Variants in CCDC92B observed in about 807,000 individuals in gnomAD.
CCDC92B encodes the protein coiled-coil domain-containing 92B.
Under a neutral mutation model 5.6 loss-of-function variants are expected in CCDC92B, and 2 were observed. That is an observed-to-expected ratio of 0.36 (90% confidence interval 0.15 to 1.12). CCDC92B has a LOEUF of 1.12. Among genes scored for constraint, CCDC92B ranks in the 50% most tolerant of loss-of-function variants. The pLI is 0.40. For synonymous variants in CCDC92B, 115 were observed against 122.3 expected (o/e 0.94, Z 0.39); for missense variants, 271 against 262.2 (o/e 1.03, Z -0.23).
intron 2 of CCDC92B, among the ~76,000 whole-genome samples, chr17:2,731,065 C>G (rs2070790112): frequency 6.6e-6 from 1 of 152,232 alleles, no homozygotes; most frequent in South Asian, 2.1e-4. Context: ...GCTGCCCCTT[C>G]CCAAGCCCCA....
Position 2,749,604 on chromosome 17 carries a change from G to C in CCDC92B, c.-217C>G, listed in dbSNP as rs1174272972. The C allele has an allele frequency of 6.7e-6, 1 of 150,324 alleles. No homozygotes were observed. Among genetic ancestry groups the C allele is most frequent in the African/African-American group, 2.4e-5 (1 of 40,904 alleles). The allele number at this position is 150,324 out of a possible 1,614,324, so 9.3% of individuals were successfully genotyped here. ...GGGGGGCTCGGGGGCGCCGAAGGGG[G>C]GTCGGGGGCGGGCTCGAGGCGTAAA... On this transcript the variant is annotated 5_prime_UTR_variant, in exon 1 of 4. Transcript: ENST00000614400.
At chr17:2,735,718 A>G (rs553294297) in intron 1 of CCDC92B, among the ~76,000 whole-genome samples, 1 of 152,332 alleles carries the variant, frequency 6.6e-6, no homozygotes, top group Non-Finnish European at 1.5e-5. Flanking sequence ...GGTGTGAACC[A>G]CTGTGCCCAG....
rs1416063210 is a variant in CCDC92B, at chr17:2,722,814, C to T, written c.*1597G>A. 6.6e-6 allele frequency: 1 copy of T among 152,664 alleles called. No homozygotes were observed. The highest frequency in any genetic ancestry group is 1.9e-4 in the East Asian group (1 of 5,216). The allele number at this position is 152,664 out of a possible 1,614,324, so 9.5% of individuals were successfully genotyped here. On this transcript the variant is annotated 3_prime_UTR_variant, in exon 4 of 4. Transcript: ENST00000614400. ...CCTCCCCTCGAAGCCCCTGGAAGAC[C>T]TCACAGGCACTTAGGACTTGATGCA...
rs367631206 is a variant in CCDC92B, at chr17:2,727,698, C to T, written c.179-2698G>A. 1.8e-4 allele frequency among the ~76,000 whole-genome samples: 28 copies of T among 152,206 alleles called. No individual in the cohort carries two copies. In the East Asian group the frequency reaches 3.3e-3, roughly 18 times the overall value. ...AATTAGCTGGGTATGGTGGTGTGCG[C>T]CTGTGATCCCAGCTACTTGGGAGGC... On this transcript the variant is annotated intron_variant, in intron 3 of 3. Transcript: ENST00000614400.
At chr17:2,737,943 G>A (rs1034496217) in intron 1 of CCDC92B, among the ~76,000 whole-genome samples, 7 of 151,964 alleles carry the variant, frequency 4.6e-5, no homozygotes, top group African/African-American at 1.7e-4. Flanking sequence ...TCACAAAAAA[G>A]GGCTCTCGTA....
rs1317394567 is a variant in CCDC92B at position 2,748,342 on chromosome 17, G to A, written c.-24+1069C>T. The A allele has an allele frequency of 7.2e-6, 7 of 978,806 alleles. No individual in the cohort carries two copies. In the East Asian group the frequency reaches 5.7e-4, roughly 80 times the overall value. 60.6% of individuals were successfully genotyped at this position (978,806 alleles called of 1,614,324 possible). On this transcript the variant is annotated intron_variant, in intron 1 of 3. Transcript: ENST00000614400. ...CCCTGATCCCCCACCAAGATGGAAC[G>A]ACTCTCTCCCGCCTCTCTGTTCCCC...
intron 1 of CCDC92B, among the ~76,000 whole-genome samples, chr17:2,741,575 AG>A (rs1310876563): frequency 6.7e-6 from 1 of 148,314 alleles, no homozygotes; most frequent in African/African-American, 2.5e-5. Flanking sequence ...GCTACTTGGG[AG>A]GCCGAGGCAG....
intron 1 of CCDC92B, among the ~76,000 whole-genome samples, chr17:2,739,366 A>AAAAT (rs1030850514): frequency 6.6e-6 from 1 of 151,306 alleles, no homozygotes; most frequent in Non-Finnish European, 1.5e-5. Flanking sequence ...ACTCCATCTC[A>AAAAT]AAATAAATAA....
At chr17:2,733,449 G>A (rs564278047) in intron 2 of CCDC92B, among the ~76,000 whole-genome samples, 1 of 151,940 alleles carries the variant, frequency 6.6e-6, no homozygotes, top group South Asian at 2.1e-4. Context: ...AGTAGAGACG[G>A]GGTTTCTCCA....
At chr17:2,748,253 G>T in intron 1 of CCDC92B, 3 of 817,446 alleles carry the variant, frequency 3.7e-6, no homozygotes, top group Non-Finnish European at 5.5e-6. Flanking sequence ...CCCTATCTCT[G>T]CCTCTTGAAG....
rs1267521107 is a variant in CCDC92B, at chr17:2,722,719, C to A, written c.*1692G>T. On this transcript the variant is annotated 3_prime_UTR_variant, in exon 4 of 4. Transcript: ENST00000614400. ...CCCTGCGTGACAGAATGTGTGGCCT[C>A]AGCCAGGGTCAGGACCTGTCAGGAA... 1 of 152,332 alleles carries A rather than the reference C, an allele frequency of 6.6e-6. No homozygotes were observed. The highest frequency in any genetic ancestry group is 6.5e-5 in the Admixed American group (1 of 15,284). 9.4% of individuals were successfully genotyped at this position (152,332 alleles called of 1,614,324 possible). A position where few individuals can be genotyped will look rare whatever the true frequency, so the allele number is the denominator to read the frequency against.
chr17:2,748,161 T>C lies in CCDC92B; in HGVS notation c.-24+1250A>G, dbSNP rs536728447. 76 of 536,576 alleles carry C rather than the reference T, an allele frequency of 1.4e-4. 1 individual carries two copies. The highest frequency in any genetic ancestry group is 2.9e-4 in the South Asian group (21 of 71,654). 33.2% of individuals were successfully genotyped at this position (536,576 alleles called of 1,614,324 possible). ...ATCTGCAGGCTGATCTTCTTCTCTT[T>C]TGGATTCTATCTCTTGCTGCTCTGA... On this transcript the variant is annotated intron_variant, in intron 1 of 3. Coordinates refer to ENST00000614400, the MANE Select transcript of CCDC92B (RefSeq NM_001355573.2).
chr17:2,748,940 G>A (rs1393999416), intron 1 of CCDC92B, among the ~76,000 whole-genome samples: 1 of 152,082 alleles, frequency 6.6e-6, no homozygotes, highest in Non-Finnish European at 1.5e-5. Flanking sequence ...AAGCGCTCAG[G>A]ACCCTCCACC....
intron 1 of CCDC92B, among the ~76,000 whole-genome samples, chr17:2,738,890 G>T (rs2070887364): frequency 6.6e-6 from 1 of 151,392 alleles, no homozygotes; most frequent in Admixed American, 6.6e-5. Context: ...GACCAATATG[G>T]TGAAACCCTG....
At position 2,724,660 on chromosome 17, in the gene CCDC92B, G is replaced by C. The variant is rs1202979018; in HGVS notation, c.519C>G (p.Ala173=). The C allele has an allele frequency of 4.1e-6, 4 of 981,610 alleles. No individual in the cohort carries two copies. Among genetic ancestry groups the C allele is most frequent in the Non-Finnish European group, 4.8e-6 (4 of 828,236 alleles). The allele number at this position is 981,610 out of a possible 1,614,324, so 60.8% of individuals were successfully genotyped here. The change falls in exon 4 of 4, where the codon GCC becomes GCG. Residue 173 remains alanine, a synonymous_variant. Transcript: ENST00000614400. This position sits in a 1 kb window ranked among gnomAD's most constrained non-coding sequence, Gnocchi z 5.0. ...EPRPRRRALR[A]RRPPAAHEAA... ...CCTCGTGGGCAGCAGGCGGGCGGCG[G>C]GCTCGCAGTGCGCGGCGGCGTGGCC...
At chr17:2,730,558 T>TGTGA (rs2070781910) in intron 2 of CCDC92B, 65 bp from the exon 3 acceptor site, 2 of 642,300 alleles carry the variant, frequency 3.1e-6, no homozygotes, top group Non-Finnish European at 3.8e-6. Flanking sequence ...TGTGTGTGTG[T>TGTGA]GTGTGAGAGA....
At chr17:2,743,995 A>G (rs992635501) in intron 1 of CCDC92B, among the ~76,000 whole-genome samples, 1 of 151,966 alleles carries the variant, frequency 6.6e-6, no homozygotes, top group Non-Finnish European at 1.5e-5. Context: ...CTCCTGCCGC[A>G]GCCTCCCGAG....
intron 3 of CCDC92B, among the ~76,000 whole-genome samples, chr17:2,729,072 A>G (rs1264352595): frequency 6.6e-6 from 1 of 152,006 alleles, no homozygotes; most frequent in Non-Finnish European, 1.5e-5. Flanking sequence ...GAGTCTTACT[A>G]TTTTGTCCAG....
intron 1 of CCDC92B, among the ~76,000 whole-genome samples, chr17:2,745,932 G>C (rs1302801522): frequency 6.6e-6 from 1 of 152,068 alleles, no homozygotes; most frequent in African/African-American, 2.4e-5. Context: ...CTGGTTCTCT[G>C]AGTTCTTTTT....
Sources: gnomAD v4.1 joint callset for allele counts (sites outside exome capture counted in the v4.1 genomes callset) on GRCh38, gnomAD v4.1.1 for gene constraint, Gnocchi (gnomAD v3.1) non-coding constraint, MANE v1.5 for transcripts, NCBI Gene and HGNC (gene_info 2026-07-23, HGNC 2026-07-21) for gene names.